MAP3K21: variants seen among roughly 807,000 people sequenced by gnomAD.
The protein encoded by MAP3K21 is mitogen-activated protein kinase kinase kinase MLK4.
MAP3K21 carries 63 observed loss-of-function variants against 86.1 expected under a neutral mutation model. The ratio of observed to expected loss-of-function variants is 0.73; its 90% CI spans 0.60 to 0.90. The LOEUF (loss-of-function observed/expected upper bound fraction) is 0.90, where lower values mean the gene tolerates loss of function less well. Ranked by LOEUF, MAP3K21 falls within the 40% of genes least tolerant of loss-of-function variation. MAP3K21 has a pLI of 0.00. For synonymous variants in MAP3K21, 558 were observed against 564.8 expected, an observed-to-expected ratio of 0.99 and a Z score of 0.17; for missense variants, 1,220 against 1,367.7, an observed-to-expected ratio of 0.89 and a Z score of 1.70.
At chr1:233,356,368 G>A (rs1264451267) in intron 4 of MAP3K21, among the ~76,000 whole-genome samples, 1 of 152,134 alleles carries the variant, frequency 6.6e-6, no homozygotes, top group Non-Finnish European at 1.5e-5. Context: ...GCACATGGCA[G>A]GCATTAATGA....
chr1:233,368,497 A>G (rs1663621885), intron 5 of MAP3K21, among the ~76,000 whole-genome samples: 1 of 152,070 alleles, frequency 6.6e-6, no homozygotes, highest in Non-Finnish European at 1.5e-5. Flanking sequence ...CTACAAAAAT[A>G]TACAAAAATT....
At chr1:233,363,097 G>A (rs1345710518) in intron 5 of MAP3K21, among the ~76,000 whole-genome samples, 1 of 152,146 alleles carries the variant, frequency 6.6e-6, no homozygotes, top group Non-Finnish European at 1.5e-5. Flanking sequence ...TACCAGAGCA[G>A]GATGATGACA....
chr1:233,360,828 G>A (rs562176325), intron 4 of MAP3K21, among the ~76,000 whole-genome samples: 11 of 152,264 alleles, frequency 7.2e-5, no homozygotes, highest in African/African-American at 2.2e-4. Flanking sequence ...GATCAGAATC[G>A]TTGAGGTGGG....
At chr1:233,372,494 G>A (rs34581069) in intron 6 of MAP3K21, 104 of 340,600 alleles carry the variant, frequency 3.1e-4, no homozygotes, top group Non-Finnish European at 4.6e-4. Flanking sequence ...ATTTGTGTCA[G>A]GGTACTTTGA....
At chr1:233,338,024 T>C (rs987481983) in intron 1 of MAP3K21, among the ~76,000 whole-genome samples, 1 of 152,358 alleles carries the variant, frequency 6.6e-6, no homozygotes, top group Admixed American at 6.5e-5. Context: ...TAGAATATTA[T>C]GAAAGATTTC....
At position 233,380,259 on chromosome 1, in the gene MAP3K21, C is replaced by G. The variant is rs577382489; in HGVS notation, c.2704+549C>G. ...GATCAAGGTGTCTGAAGGGTTGGTT[C>G]CTTCTGAGCTCAGCCTGGCTCCTTG... On this transcript the variant is annotated intron_variant, in intron 9 of 9. Coordinates refer to ENST00000366624, the MANE Select transcript of MAP3K21 (RefSeq NM_032435.3). 3.3e-5 allele frequency among the ~76,000 whole-genome samples: 5 copies of G among 152,318 alleles called. No homozygotes were observed. In the South Asian group the frequency reaches 1.0e-3, roughly 32 times the overall value.
Position 233,379,634 on chromosome 1 carries a change from T to G in MAP3K21, c.2628T>G (p.Asn876Lys), listed in dbSNP as rs1663874848. ...PSSFLQQTCGNVPYCASSKHR... is the reference protein window; with the variant it reads ...PSSFLQQTCGKVPYCASSKHR... ...CCTTCCTACAGCAGACATGTGGGAA[T>G]GTACCTTACTGTGCTTCTTCAAAAC... Residue 876 changes from asparagine to lysine, a missense_variant, in exon 9 of 10, where the codon AAT becomes AAG. Asn to Lys is a moderately conservative substitution (Grantham distance 94). This residue lies in a region of MAP3K21 where 632 missense variants were observed against 691.3 expected (regional missense o/e 0.91). Coordinates refer to ENST00000366624, the MANE Select transcript of MAP3K21 (RefSeq NM_032435.3). 2.5e-6 allele frequency: 4 copies of G among 1,613,888 alleles called. No homozygotes were observed. Among genetic ancestry groups the G allele is most frequent in the Admixed American group, 1.7e-5 (1 of 60,030 alleles).
In MAP3K21 at chr1:233,361,972, G is replaced by A. The variant is rs1277792474; in HGVS notation, c.1312-81G>A. 3.3e-6 allele frequency: 5 copies of A among 1,502,324 alleles called. No homozygotes were observed. In the South Asian group the frequency reaches 3.9e-5, roughly 12 times the overall value. 93.1% of individuals were successfully genotyped at this position (1,502,324 alleles called of 1,614,324 possible). A position where few individuals can be genotyped will look rare whatever the true frequency, so the allele number is the denominator to read the frequency against. On this transcript the variant is annotated intron_variant, in intron 4 of 9. Transcript: ENST00000366624. ...TGCACAGGAGGAGCCCGTGGCCGAG[G>A]GGTCGCCAGTGTAGTGTAATAGACG...
chr1:233,375,773 G>A (rs1276341044), intron 6 of MAP3K21, 143 bp from the exon 7 acceptor site: 5 of 607,374 alleles, frequency 8.2e-6, no homozygotes, highest in Non-Finnish European at 1.1e-5. Flanking sequence ...CAGAGATTGG[G>A]TGAAATAAAT....
chr1:233,334,796 T>C (rs1373399927), intron 1 of MAP3K21, among the ~76,000 whole-genome samples: 1 of 152,214 alleles, frequency 6.6e-6, no homozygotes, highest in African/African-American at 2.4e-5. Context: ...GCTTTATGAC[T>C]GTACTATCAT....
intron 1 of MAP3K21, among the ~76,000 whole-genome samples, chr1:233,337,707 T>C (rs1489968775): frequency 1.3e-5 from 2 of 152,168 alleles, no homozygotes; most frequent in Non-Finnish European, 2.9e-5. Flanking sequence ...TCTGTACACT[T>C]TGGCAGGCCT....
At chr1:233,350,889 A>G (rs1663238881) in intron 2 of MAP3K21, among the ~76,000 whole-genome samples, 1 of 152,204 alleles carries the variant, frequency 6.6e-6, no homozygotes, top group Non-Finnish European at 1.5e-5. Flanking sequence ...AATGTGTACT[A>G]TACTTTAGAA....
At chr1:233,346,416 A>G (rs1206330609) in intron 1 of MAP3K21, 26 bp from the exon 2 acceptor site, 2 of 1,553,590 alleles carry the variant, frequency 1.3e-6, no homozygotes, top group South Asian at 2.3e-5. Context: ...GAATATGCAA[A>G]TGTCTCACTT....
At chr1:233,359,590 C>G (rs1663428790) in intron 4 of MAP3K21, among the ~76,000 whole-genome samples, 1 of 152,138 alleles carries the variant, frequency 6.6e-6, no homozygotes, top group African/African-American at 2.4e-5. Context: ...TCCGTAGATA[C>G]TGGGTCCTCC....
At chr1:233,329,382 G>T (rs906153709) in intron 1 of MAP3K21, among the ~76,000 whole-genome samples, 44 of 152,156 alleles carry the variant, frequency 2.9e-4, no homozygotes, top group African/African-American at 1.0e-3. Context: ...GGCCAGGCGC[G>T]GTGGCTCATA....
chr1:233,377,600 GTCTACATCA>G (rs1663824513), intron 8 of MAP3K21, among the ~76,000 whole-genome samples: 1 of 152,172 alleles, frequency 6.6e-6, no homozygotes, highest in African/African-American at 2.4e-5. Context: ...ACCCCAAATT[GTCTACATCA>G]GCAGTCCCCA....
rs576888949 is a variant in MAP3K21, at chr1:233,333,203, C to T, written c.805+4370C>T. Among the ~76,000 whole-genome samples the T allele has an allele frequency of 3.9e-5, 6 of 152,262 alleles. No homozygotes were observed. In the South Asian group the frequency reaches 6.2e-4, roughly 16 times the overall value. ...AGTGATTTGGGGAAGCTACTAATTT[C>T]ACTATTATCAGTTGTAAGACATAAG... is the stretch of plus-strand genomic sequence containing the variant. On this transcript the variant is annotated intron_variant, in intron 1 of 9. Coordinates refer to ENST00000366624, the MANE Select transcript of MAP3K21 (RefSeq NM_032435.3).
chr1:233,376,823 G>A (rs1264999300), intron 8 of MAP3K21, among the ~76,000 whole-genome samples: 1 of 152,144 alleles, frequency 6.6e-6, no homozygotes, highest in African/African-American at 2.4e-5. Context: ...GGAAATATTA[G>A]ATGTAAAAAT....
intron 4 of MAP3K21, among the ~76,000 whole-genome samples, chr1:233,357,925 G>A (rs1663394470): frequency 6.6e-6 from 1 of 152,166 alleles, no homozygotes. Context: ...GTGACTGCCT[G>A]TTTCCTTCTC....
Sources: gnomAD v4.1 joint callset for allele counts (sites outside exome capture counted in the v4.1 genomes callset) on GRCh38, gnomAD v4.1.1 for gene constraint, gnomAD v4.1.1 regional missense constraint, MANE v1.5 for transcripts, NCBI Gene and HGNC (gene_info 2026-07-23, HGNC 2026-07-21) for gene names.